The following THSD7A variants were observed in gnomAD, a reference collection of about 807,000 sequenced individuals.
THSD7A encodes the protein thrombospondin type 1 domain containing 7A.
Under a neutral mutation model 231.3 loss-of-function variants are expected in THSD7A, and 96 were observed. That is an observed-to-expected ratio of 0.41 (90% CI 0.35 to 0.49). THSD7A has a LOEUF of 0.49. Among genes scored for constraint, THSD7A ranks in the 20% least tolerant of loss-of-function variants. The probability of loss-of-function intolerance (pLI) is 0.05; values close to 1 mark genes in which losing one functional copy is unlikely to be tolerated. For missense variants in THSD7A, 2,290 were observed against 2,070.2 expected, an observed-to-expected ratio of 1.11 and a Z score of -2.06; for synonymous variants, 940 against 743.3, an observed-to-expected ratio of 1.26 and a Z score of -4.30.
At chr7:11,469,642 C>G (rs1205374317) in intron 9 of THSD7A, among the ~76,000 whole-genome samples, 3 of 152,036 alleles carry the variant, frequency 2.0e-5, no homozygotes, top group Admixed American at 1.3e-4. Context: ...ATTTAGAATC[C>G]TTCACTTTAA....
At chr7:11,812,755 T>C (rs888769243) in intron 1 of THSD7A, among the ~76,000 whole-genome samples, 2 of 152,338 alleles carry the variant, frequency 1.3e-5, no homozygotes, top group South Asian at 4.1e-4. Context: ...ATCAAAATAT[T>C]GAAGCATACT....
chr7:11,529,834 G>C (rs1788629216), intron 6 of THSD7A, among the ~76,000 whole-genome samples: 1 of 152,092 alleles, frequency 6.6e-6, no homozygotes, highest in South Asian at 2.1e-4. Flanking sequence ...TTAAAAACAA[G>C]GCAGTCTCTA....
intron 1 of THSD7A, among the ~76,000 whole-genome samples, chr7:11,710,525 T>A (rs1379438848): frequency 6.6e-6 from 1 of 150,786 alleles, no homozygotes; most frequent in Non-Finnish European, 1.5e-5. Context: ...GAGGCCAGAA[T>A]TATTTGAGAG....
chr7:11,811,400 C>A (rs1784524914), intron 1 of THSD7A, among the ~76,000 whole-genome samples: 1 of 152,134 alleles, frequency 6.6e-6, no homozygotes, highest in African/African-American at 2.4e-5. Context: ...TTTTCTTCCT[C>A]CTCAAGAGAC....
At chr7:11,448,420 G>T (rs1417005461) in intron 11 of THSD7A, among the ~76,000 whole-genome samples, 1 of 152,070 alleles carries the variant, frequency 6.6e-6, no homozygotes, top group Non-Finnish European at 1.5e-5. Flanking sequence ...TGGTCCTAAA[G>T]TTGGCTTCAC....
chr7:11,591,305 T>C (rs958879269), intron 3 of THSD7A, among the ~76,000 whole-genome samples: 1 of 151,840 alleles, frequency 6.6e-6, no homozygotes, highest in African/African-American at 2.4e-5. Context: ...GTGAGAAAAA[T>C]GTCAGGGGAT....
At chr7:11,552,950 T>C (rs1310002599) in intron 4 of THSD7A, among the ~76,000 whole-genome samples, 2 of 152,096 alleles carry the variant, frequency 1.3e-5, no homozygotes, top group African/African-American at 4.8e-5. Context: ...CTCGGGTCTT[T>C]TCTGCTCAGA....
At chr7:11,701,846 C>G (rs2128145054) in intron 1 of THSD7A, among the ~76,000 whole-genome samples, 2 of 151,276 alleles carry the variant, frequency 1.3e-5, no homozygotes, top group Middle Eastern at 6.8e-3. Context: ...AATGGGCTAT[C>G]ACAAAATCCA....
intron 13 of THSD7A, among the ~76,000 whole-genome samples, chr7:11,443,352 A>T (rs549701833): frequency 2.0e-5 from 3 of 152,204 alleles, no homozygotes; most frequent in African/African-American, 7.2e-5. Flanking sequence ...CAAAGTAGAA[A>T]GAGAATTTAT....
chr7:11,598,000 C>A (rs958011385), intron 2 of THSD7A, among the ~76,000 whole-genome samples: 1 of 152,140 alleles, frequency 6.6e-6, no homozygotes, highest in African/African-American at 2.4e-5. Context: ...TGGTTCTGCA[C>A]GGTATGCAGG....
chr7:11,786,229 T>C (rs1367335126), intron 1 of THSD7A, among the ~76,000 whole-genome samples: 2 of 152,088 alleles, frequency 1.3e-5, no homozygotes, highest in Non-Finnish European at 2.9e-5. Flanking sequence ...TAACCCCTTC[T>C]TCCTTACCTT....
chr7:11,443,068 T>C (rs991101144), intron 13 of THSD7A, among the ~76,000 whole-genome samples: 1 of 152,146 alleles, frequency 6.6e-6, no homozygotes, highest in African/African-American at 2.4e-5. Flanking sequence ...TCACAGAATA[T>C]TTTAAAAGAT....
chr7:11,381,846 G>A (rs908363473), intron 24 of THSD7A, among the ~76,000 whole-genome samples: 12 of 152,202 alleles, frequency 7.9e-5, no homozygotes, highest in East Asian at 7.7e-4. Context: ...GATCCCTCAC[G>A]CTTACAGGCT....
intron 4 of THSD7A, among the ~76,000 whole-genome samples, chr7:11,582,555 T>C (rs1205223335): frequency 2.6e-5 from 4 of 152,154 alleles, no homozygotes; most frequent in African/African-American, 4.8e-5. Context: ...TCTTTCTTGG[T>C]TTGATTTCCT....
chr7:11,565,918 G>A (rs1185673165), intron 4 of THSD7A, among the ~76,000 whole-genome samples: 1 of 152,138 alleles, frequency 6.6e-6, no homozygotes, highest in African/African-American at 2.4e-5. Flanking sequence ...GAATTAAACT[G>A]CTGGGTTTGA....
chr7:11,745,637 G>A (rs886774391), intron 1 of THSD7A, among the ~76,000 whole-genome samples: 1 of 152,028 alleles, frequency 6.6e-6, no homozygotes. Context: ...TGTAAGGAAG[G>A]GATCCAGTTT....
At chr7:11,425,997 A>T (rs1784307577) in intron 15 of THSD7A, among the ~76,000 whole-genome samples, 1 of 152,084 alleles carries the variant, frequency 6.6e-6, no homozygotes, top group Non-Finnish European at 1.5e-5. Context: ...AGCATGGCAC[A>T]TGTATACATA....
intron 6 of THSD7A, among the ~76,000 whole-genome samples, chr7:11,483,709 C>A (rs1326823752): frequency 1.3e-5 from 2 of 152,102 alleles, no homozygotes; most frequent in African/African-American, 4.8e-5. Flanking sequence ...TTCTTCACTG[C>A]TGTCTTTTAT....
At chr7:11,680,848 C>T (rs905989057) in intron 1 of THSD7A, among the ~76,000 whole-genome samples, 10 of 151,830 alleles carry the variant, frequency 6.6e-5, no homozygotes, top group Non-Finnish European at 1.2e-4. Context: ...ATCCCATCAC[C>T]GAGTGTATAC....
Sources: allele counts gnomAD v4.1 joint callset (sites outside exome capture counted in the v4.1 genomes callset), GRCh38; gene constraint gnomAD v4.1.1; transcripts MANE v1.5; gene names NCBI Gene and HGNC (gene_info 2026-07-23, HGNC 2026-07-21).